The following AMPH variants were observed in gnomAD, a reference collection of about 807,000 sequenced individuals.
The protein encoded by AMPH is amphiphysin.
AMPH carries 49 observed loss-of-function variants against 99.1 expected under a neutral mutation model. The observed-to-expected ratio is 0.49, with a 90% CI of 0.39 to 0.63. The LOEUF (loss-of-function observed/expected upper bound fraction) is 0.63, where lower values mean the gene tolerates loss of function less well. Ranked by LOEUF, AMPH falls within the 20% of genes least tolerant of loss-of-function variation. The pLI is 0.00. For missense variants in AMPH, 759 were observed against 863.4 expected (o/e 0.88, Z 1.52); for synonymous variants, 314 against 317.3 (o/e 0.99, Z 0.11).
chr7:38,392,406 A>G (rs1784533831), intron 18 of AMPH, among the ~76,000 whole-genome samples: 2 of 47,000 alleles, frequency 4.3e-5, no homozygotes, highest in Non-Finnish European at 3.7e-5. Context: ...TTTTTTTTTG[A>G]GACAGAGTCT....
At chr7:38,566,739 G>C (rs1182785782) in intron 1 of AMPH, among the ~76,000 whole-genome samples, 2 of 152,144 alleles carry the variant, frequency 1.3e-5, no homozygotes, top group Admixed American at 1.3e-4. Flanking sequence ...GATATGAACA[G>C]ACACTTCTCA....
chr7:38,456,937 C>T (rs570320578), intron 11 of AMPH, among the ~76,000 whole-genome samples: 1 of 152,318 alleles, frequency 6.6e-6, no homozygotes, highest in African/African-American at 2.4e-5. Context: ...ACCCTGGCCC[C>T]CTGCTAGCAA....
Position 38,407,062 on chromosome 7 carries a change from ATATATATATATATATGTGTGTGTGTG to A in AMPH, c.1398+10737_1398+10762del, listed in dbSNP as rs1458114010. On this transcript the variant is annotated intron_variant, in intron 17 of 20. Transcript: ENST00000356264. The stretch of plus-strand genomic sequence containing the variant: ...TCTCTCTCTCTCTATATATATATAT[ATATATATATATATATGTGTGTGTGTG>A]TGTGTGTGTGTGTGTGTGTGTGTGT... 2.1e-4 allele frequency among the ~76,000 whole-genome samples: 4 copies of A among 19,426 alleles called. 1 individual carries two copies. The highest frequency in any genetic ancestry group is 2.2e-4 in the Non-Finnish European group (2 of 9,170). The allele number at this position is 19,426 out of a possible 152,430, so 12.7% of individuals were successfully genotyped here.
At chr7:38,419,560 T>C (rs553865684) in intron 16 of AMPH, among the ~76,000 whole-genome samples, 1 of 152,336 alleles carries the variant, frequency 6.6e-6, no homozygotes, top group South Asian at 2.1e-4. Context: ...ACTTCACTTT[T>C]ATTGTTTGAA....
chr7:38,615,024 A>G (rs1793827899), intron 1 of AMPH, among the ~76,000 whole-genome samples: 1 of 152,220 alleles, frequency 6.6e-6, no homozygotes, highest in South Asian at 2.1e-4. Flanking sequence ...ACCACTTGGA[A>G]TTACTCCCCT....
chr7:38,512,218 C>A (rs757277142), intron 2 of AMPH, among the ~76,000 whole-genome samples: 1 of 152,140 alleles, frequency 6.6e-6, no homozygotes, highest in Non-Finnish European at 1.5e-5. Flanking sequence ...ATTGCTATGC[C>A]AATGGCAAAA....
intron 18 of AMPH, chr7:38,392,504 A>C (rs1159490480): frequency 6.7e-6 from 1 of 148,380 alleles, no homozygotes; most frequent in East Asian, 2.0e-4. Flanking sequence ...CTCCTGCCTC[A>C]GCCTCCCGAG....
rs1784290979 is a variant in AMPH at position 38,384,262 on chromosome 7, C to G, written c.*556G>C. On this transcript the variant is annotated 3_prime_UTR_variant, in exon 21 of 21. Coordinates refer to ENST00000356264, the MANE Select transcript of AMPH (RefSeq NM_001635.4). ...CTATGTATATGTAGCCTTCTGCATA[C>G]ACATAGATCCAGGAGTCATGGGAAC... 6.5e-6 allele frequency: 1 copy of G among 153,124 alleles called. No individual in the cohort carries two copies. The highest frequency in any genetic ancestry group is 1.5e-5 in the Non-Finnish European group (1 of 68,558). 9.5% of individuals were successfully genotyped at this position (153,124 alleles called of 1,614,324 possible).
intron 1 of AMPH, among the ~76,000 whole-genome samples, chr7:38,605,038 T>C (rs1208942888): frequency 3.9e-5 from 6 of 151,964 alleles, no homozygotes; most frequent in Admixed American, 1.3e-4. Flanking sequence ...CACAAATTTC[T>C]GTGGCAAAGA....
intron 2 of AMPH, among the ~76,000 whole-genome samples, chr7:38,525,919 A>AT (rs1201781009): frequency 1.3e-5 from 2 of 152,144 alleles, no homozygotes; most frequent in Non-Finnish European, 2.9e-5. Context: ...TTTGTGAACA[A>AT]TTTTTTTGTG....
chr7:38,418,074 G>A (rs756744565), intron 16 of AMPH, 124 bp from the exon 17 acceptor site: 92 of 1,159,204 alleles, frequency 7.9e-5, no homozygotes, highest in Middle Eastern at 4.2e-4. Flanking sequence ...CATGAAATCC[G>A]TGCTGGAGAA....
intron 1 of AMPH, among the ~76,000 whole-genome samples, chr7:38,550,710 C>T (rs1216386252): frequency 1.2e-4 from 18 of 152,132 alleles, no homozygotes; most frequent in Admixed American, 1.2e-3. Context: ...ACTCACCTTT[C>T]TATGTCTCCA....
chr7:38,578,586 AC>A (rs1210008812), intron 1 of AMPH, among the ~76,000 whole-genome samples: 5 of 151,918 alleles, frequency 3.3e-5, no homozygotes, highest in Admixed American at 3.3e-4. Flanking sequence ...ACATAGCAAG[AC>A]CCCCATCACT....
At chr7:38,508,818 G>C (rs1254179246) in intron 2 of AMPH, among the ~76,000 whole-genome samples, 12 of 152,214 alleles carry the variant, frequency 7.9e-5, no homozygotes, top group African/African-American at 2.9e-4. Context: ...TGAAAGCAAT[G>C]ATAATAAACT....
chr7:38,447,383 T>C (rs774759892), intron 11 of AMPH, among the ~76,000 whole-genome samples: 24 of 152,126 alleles, frequency 1.6e-4, no homozygotes, highest in Non-Finnish European at 2.8e-4. Flanking sequence ...TAAAAGTGAG[T>C]TTTGCTGGGG....
intron 11 of AMPH, among the ~76,000 whole-genome samples, chr7:38,441,811 A>G (rs1305270367): frequency 1.9e-5 from 2 of 105,072 alleles, no homozygotes; most frequent in African/African-American, 7.3e-5. Flanking sequence ...TATATATATC[A>G]TATATATCAT....
chr7:38,459,166 G>A (rs4723757), intron 11 of AMPH, among the ~76,000 whole-genome samples: 24,357 of 151,948 alleles, frequency 0.16, 2,153 homozygotes, highest in East Asian at 0.28. Context: ...AAGAAATTTA[G>A]CCAAGGAAGT....
intron 2 of AMPH, among the ~76,000 whole-genome samples, chr7:38,515,196 C>T (rs1385917926): frequency 1.3e-5 from 2 of 152,122 alleles, no homozygotes; most frequent in Non-Finnish European, 2.9e-5. Context: ...GAGTTGTGTC[C>T]ATGCCCAGCG....
In AMPH at chr7:38,462,996, T is replaced by C. The variant is rs140766946; in HGVS notation, c.867A>G (p.Ala289=). ...HTLAPASPAP[A]RPRSPSQTRK... is the part of the protein sequence containing the mutation. ...CTACCTGTGAAGGTGACCGAGGCCG[T>C]GCTGGTGCGGGAGACGCAGGTGCTA... is the stretch of plus-strand genomic sequence containing the variant. The change falls in exon 10 of 21, where the codon GCA becomes GCG. Residue 289 remains alanine, a synonymous_variant. Coordinates refer to ENST00000356264, the MANE Select transcript of AMPH (RefSeq NM_001635.4). 65 of 1,591,204 alleles carry C rather than the reference T, an allele frequency of 4.1e-5. No individual in the cohort carries two copies. In the African/African-American group the frequency reaches 7.1e-4, roughly 17 times the overall value.
Sources: allele counts gnomAD v4.1 joint callset (sites outside exome capture counted in the v4.1 genomes callset), GRCh38; gene constraint gnomAD v4.1.1; transcripts MANE v1.5; gene names NCBI Gene and HGNC (gene_info 2026-07-23, HGNC 2026-07-21).